SEC14L3: variants seen among roughly 807,000 people sequenced by gnomAD.
SEC14L3 encodes the protein SEC14-like protein 3.
In SEC14L3, 56 loss-of-function variants were observed where a neutral mutation model predicts 57.4. The observed-to-expected ratio is 0.97, with a 90% CI of 0.79 to 1.22. The LOEUF (loss-of-function observed/expected upper bound fraction) is 1.22. SEC14L3 is among the 50% of genes most tolerant of loss of function. The probability of loss-of-function intolerance (pLI) is 0.00; values close to 1 mark genes in which losing one functional copy is unlikely to be tolerated. For synonymous variants in SEC14L3, 173 were observed against 194.4 expected, an observed-to-expected ratio of 0.89 and a Z score of 0.92; for missense variants, 485 against 511.7, an observed-to-expected ratio of 0.95 and a Z score of 0.50.
intron 2 of SEC14L3, 70 bp from the exon 3 acceptor site, chr22:30,470,325 A>G (rs1486035593): frequency 1.3e-6 from 2 of 1,596,200 alleles, no homozygotes; most frequent in African/African-American, 2.7e-5. Context: ...AGTGGGAGCT[A>G]TGGAGGACAC....
At chr22:30,449,554 TTTTC>T (rs1183531676) in intron 12 of SEC14L3, among the ~76,000 whole-genome samples, 3 of 145,630 alleles carry the variant, frequency 2.1e-5, no homozygotes, top group African/African-American at 8.0e-5. Flanking sequence ...TTTTCTTTTC[TTTTC>T]TTTTCTTTTC....
At chr22:30,456,299 CAAAA>C (rs61284271), downstream of SEC14L3, among the ~76,000 whole-genome samples, 2 of 95,992 alleles carry the variant, frequency 2.1e-5, no homozygotes, top group Non-Finnish European at 4.1e-5. Context: ...ACCCTGTCTC[CAAAA>C]AAAAAAAAAA....
chr22:30,447,671 G>T (rs1009509866), downstream of SEC14L3, among the ~76,000 whole-genome samples: 8 of 152,208 alleles, frequency 5.3e-5, no homozygotes, highest in African/African-American at 1.9e-4. Flanking sequence ...TTTGGTGGGG[G>T]ATCTTAGAAT....
Position 30,464,964 on chromosome 22 carries a change from T to A in SEC14L3, c.581-61A>T. On this transcript the variant is annotated intron_variant, in intron 7 of 11. Coordinates refer to ENST00000215812, the MANE Select transcript of SEC14L3 (RefSeq NM_174975.5). Reference sequence around the variant, plus strand: ...GAATTACATTGGGCAACCCCCTCCATAATGGTTATAGCCAATGATACAGAG... The same window carrying A: ...GAATTACATTGGGCAACCCCCTCCAAAATGGTTATAGCCAATGATACAGAG... The A allele has an allele frequency of 1.9e-6, 3 of 1,610,194 alleles. No individual in the cohort carries two copies. In the South Asian group the frequency reaches 3.3e-5, roughly 18 times the overall value.
At chr22:30,466,527 C>T in intron 6 of SEC14L3, 133 bp from the exon 7 acceptor site, 1 of 1,073,712 alleles carries the variant, frequency 9.3e-7, no homozygotes, top group Non-Finnish European at 1.4e-6. Flanking sequence ...CTCCCCTGGC[C>T]TCTGGAGGGA....
intron 9 of SEC14L3, 61 bp from the exon 10 acceptor site, chr22:30,461,755 T>G: frequency 6.4e-7 from 1 of 1,559,570 alleles, no homozygotes; most frequent in Non-Finnish European, 8.7e-7. Context: ...ATGTTTCTTC[T>G]GCCTGAGACA....
intron 8 of SEC14L3, among the ~76,000 whole-genome samples, 199 bp downstream of exon 8, chr22:30,464,621 G>A (rs936164030): frequency 1.3e-5 from 2 of 152,032 alleles, no homozygotes; most frequent in African/African-American, 2.4e-5. Flanking sequence ...TGTAGAGATG[G>A]GGTCTTGCTA....
In SEC14L3 at chr22:30,461,314, G is replaced by C; in HGVS notation, c.1077C>G (p.Gly359=). 6.3e-7 allele frequency: 1 copy of C among 1,586,358 alleles called. No homozygotes were observed. Among genetic ancestry groups the C allele is most frequent in the Non-Finnish European group, 8.6e-7 (1 of 1,166,226 alleles). ...TCCCAGCTGGGGCAGACTTACAGAC[G>C]CCGGCCTCTGAGCAGGTGAGGTTCC... ...EDGNLTCSEA[G]VYVLRFDNTY... is the part of the protein sequence containing the mutation. The change falls in exon 11 of 12, where the codon GGC becomes GGG. Residue 359 remains glycine, a synonymous_variant. Transcript: ENST00000215812.
downstream of SEC14L3, among the ~76,000 whole-genome samples, chr22:30,457,377 CTTTTT>C (rs60894978): frequency 0.65 from 88,526 of 136,580 alleles, 29,158 homozygotes; most frequent in African/African-American, 0.8. Context: ...TTAAGTATGT[CTTTTT>C]TTTTTTTTTT....
At chr22:30,448,919 ACTT>A in exon 13 of SEC14L3, 1 of 623,540 alleles carries the variant, frequency 1.6e-6, no homozygotes, top group Non-Finnish European at 2.7e-6. Context: ...AACCTCCAAA[ACTT>A]CTTTCCCTTC....
intron 5 of SEC14L3, among the ~76,000 whole-genome samples, chr22:30,468,035 C>A (rs1935476910): frequency 6.6e-6 from 1 of 152,056 alleles, no homozygotes; most frequent in Non-Finnish European, 1.5e-5. Context: ...AATCCCAGCA[C>A]TTTGGGAGGC....
intron 12 of SEC14L3, among the ~76,000 whole-genome samples, chr22:30,451,835 C>A (rs1430034954): frequency 6.6e-6 from 1 of 151,540 alleles, no homozygotes; most frequent in Non-Finnish European, 1.5e-5. Context: ...ACTTAAAATA[C>A]AAAAATTAGC....
At chr22:30,468,042 A>G (rs1569231262) in intron 5 of SEC14L3, among the ~76,000 whole-genome samples, 1 of 152,116 alleles carries the variant, frequency 6.6e-6, no homozygotes, top group African/African-American at 2.4e-5. Flanking sequence ...GCACTTTGGG[A>G]GGCTGAGGCG....
Position 30,459,780 on chromosome 22 carries a change from A to G in SEC14L3, c.*241T>C. 8.4e-7 allele frequency: 1 copy of G among 1,189,242 alleles called. No homozygotes were observed. 73.7% of individuals were successfully genotyped at this position (1,189,242 alleles called of 1,614,324 possible). On this transcript the variant is annotated 3_prime_UTR_variant, in exon 12 of 12. Coordinates refer to ENST00000215812, the MANE Select transcript of SEC14L3 (RefSeq NM_174975.5). Reference sequence around the variant, plus strand: ...CTATTTATTGAGTTTCATGACACCCACTTCTTGCCTTTACCCTTGCTTTTT... The same window carrying G: ...CTATTTATTGAGTTTCATGACACCCGCTTCTTGCCTTTACCCTTGCTTTTT...
intron 11 of SEC14L3, among the ~76,000 whole-genome samples, chr22:30,460,645 C>T (rs1328715820): frequency 1.3e-5 from 2 of 151,318 alleles, no homozygotes; most frequent in East Asian, 3.9e-4. Flanking sequence ...AGCAGCCTGA[C>T]CAACATGGAG....
intron 1 of SEC14L3, chr22:30,471,239 C>T (rs929286706): frequency 2.2e-5 from 10 of 446,692 alleles, no homozygotes; most frequent in South Asian, 3.2e-5. Flanking sequence ...GAGCTGAGAT[C>T]GCTCCACAGC....
At chr22:30,450,281 C>T (rs576057510) in intron 12 of SEC14L3, among the ~76,000 whole-genome samples, 8 of 152,062 alleles carry the variant, frequency 5.3e-5, no homozygotes, top group East Asian at 3.9e-4. Flanking sequence ...GAGCTGGACG[C>T]GATCCTTTGA....
Position 30,468,694 on chromosome 22 carries a change from C to A in SEC14L3, c.237G>T (p.Val79=), listed in dbSNP as rs1363110043. The change falls in exon 5 of 12, where the codon GTG becomes GTT. Residue 79 remains valine (V), a splice_region_variant and synonymous_variant. Transcript: ENST00000215812. ...DHILDWQPPE[V]IQKYMPGGLC... ...GGCCCCCAGGCATGTACTTCTGGAT[C>A]ACCTGGGCATGAAAAGATGCACAGA... The A allele has an allele frequency of 6.2e-7, 1 of 1,613,726 alleles. No individual in the cohort carries two copies. Among genetic ancestry groups the A allele is most frequent in the East Asian group, 2.2e-5 (1 of 44,844 alleles).
chr22:30,455,317 C>T (rs1206138272), downstream of SEC14L3, among the ~76,000 whole-genome samples: 6 of 145,174 alleles, frequency 4.1e-5, no homozygotes, highest in Admixed American at 3.0e-4. Context: ...GATGTGACCT[C>T]GGCTCACTGC....
Sources: gnomAD v4.1 joint callset for allele counts (sites outside exome capture counted in the v4.1 genomes callset) on GRCh38, gnomAD v4.1.1 for gene constraint, MANE v1.5 for transcripts, NCBI Gene and HGNC (gene_info 2026-07-23, HGNC 2026-07-21) for gene names.